CBR4: variants seen among roughly 807,000 people sequenced by gnomAD.
CBR4 encodes 3-oxoacyl-[acyl-carrier-protein] reductase.
CBR4 carries 22 observed loss-of-function variants against 21.0 expected under a neutral mutation model. That is an observed-to-expected ratio of 1.05 (90% CI 0.75 to 1.50). The LOEUF is 1.50. Among genes scored for constraint, CBR4 ranks in the 40% most tolerant of loss-of-function variants. The pLI is 0.00. For missense variants in CBR4, 302 were observed against 286.3 expected, an observed-to-expected ratio of 1.05 and a Z score of -0.40; for synonymous variants, 100 against 104.4, an observed-to-expected ratio of 0.96 and a Z score of 0.26.
intron 2 of CBR4, chr4:168,913,847 G>T: frequency 1.1e-6 from 1 of 932,754 alleles, no homozygotes; most frequent in Non-Finnish European, 1.8e-6. Flanking sequence ...GTCTTATAGA[G>T]AATAGGACAG....
chr4:168,988,666 T>C lies in CBR4; in HGVS notation c.*1484A>G, dbSNP rs1764778771. 2.6e-5 allele frequency: 26 copies of C among 983,638 alleles called. No individual in the cohort carries two copies. Among genetic ancestry groups the C allele is most frequent in the Non-Finnish European group, 3.0e-5 (25 of 828,250 alleles). The allele number at this position is 983,638 out of a possible 1,614,324, so 60.9% of individuals were successfully genotyped here. A position where few individuals can be genotyped will look rare whatever the true frequency, so the allele number is the denominator to read the frequency against. Reference sequence around the variant, plus strand: ...CTGATAAATTCTGTATATTACCACGTCTTGCATTTAATAGACAATTTGTTT... The same window carrying C: ...CTGATAAATTCTGTATATTACCACGCCTTGCATTTAATAGACAATTTGTTT... On this transcript the variant is annotated 3_prime_UTR_variant, in exon 5 of 5. Transcript: ENST00000306193.
At chr4:168,930,919 G>A (rs1762954707) in intron 2 of CBR4, among the ~76,000 whole-genome samples, 1 of 152,160 alleles carries the variant, frequency 6.6e-6, no homozygotes, top group Non-Finnish European at 1.5e-5. Flanking sequence ...CTCTGGATTA[G>A]GAACATGAGA....
downstream of CBR4, among the ~76,000 whole-genome samples, chr4:168,983,598 T>C (rs998712083): frequency 1.5e-4 from 22 of 151,606 alleles, no homozygotes; most frequent in African/African-American, 5.3e-4. Context: ...GGCACAGACA[T>C]AATGAAAAAA....
chr4:168,931,724 TG>T (rs1299538122), intron 2 of CBR4, among the ~76,000 whole-genome samples: 1 of 152,126 alleles, frequency 6.6e-6, no homozygotes, highest in Non-Finnish European at 1.5e-5. Flanking sequence ...TTCACACACA[TG>T]CCCCCAATTT....
chr4:168,933,911 A>G (rs1763031887), intron 2 of CBR4, among the ~76,000 whole-genome samples: 1 of 152,234 alleles, frequency 6.6e-6, no homozygotes, highest in African/African-American at 2.4e-5. Flanking sequence ...CTCCTGACTG[A>G]CCAATGGATG....
intron 4 of CBR4, among the ~76,000 whole-genome samples, chr4:168,990,851 G>C (rs560064984): frequency 6.6e-6 from 1 of 151,922 alleles, no homozygotes; most frequent in Non-Finnish European, 1.5e-5. Flanking sequence ...GCAGGAGTTC[G>C]AGACCAGCCT....
chr4:168,980,770 G>C (rs1764523642), intron 2 of CBR4, among the ~76,000 whole-genome samples: 1 of 152,138 alleles, frequency 6.6e-6, no homozygotes, highest in Non-Finnish European at 1.5e-5. Flanking sequence ...AACAGAGTTG[G>C]CTCTCTGAAA....
chr4:168,986,196 T>C (rs987482931), downstream of CBR4, among the ~76,000 whole-genome samples: 2 of 152,188 alleles, frequency 1.3e-5, no homozygotes, highest in African/African-American at 4.8e-5. Context: ...CTAGAGATGA[T>C]GTAAAGTATA....
At chr4:168,977,702 T>C (rs1402596121) in intron 2 of CBR4, among the ~76,000 whole-genome samples, 2 of 152,220 alleles carry the variant, frequency 1.3e-5, no homozygotes, top group African/African-American at 2.4e-5. Context: ...GAAATCAGCA[T>C]GTTTAAAATT....
chr4:168,973,669 C>T (rs1764282500), intron 2 of CBR4, among the ~76,000 whole-genome samples: 1 of 152,234 alleles, frequency 6.6e-6, no homozygotes, highest in Non-Finnish European at 1.5e-5. Flanking sequence ...GTCATGAATC[C>T]ATCTGGTCCT....
At chr4:168,925,858 G>C (rs1477386801) in intron 2 of CBR4, among the ~76,000 whole-genome samples, 1 of 152,052 alleles carries the variant, frequency 6.6e-6, no homozygotes, top group East Asian at 1.9e-4. Flanking sequence ...GAATTCCTAA[G>C]TGCTATAATT....
intron 2 of CBR4, among the ~76,000 whole-genome samples, chr4:168,925,837 C>G (rs1052391853): frequency 2.6e-5 from 4 of 152,108 alleles, no homozygotes; most frequent in African/African-American, 7.2e-5. Context: ...TTAAAGCATC[C>G]ACATCCAGCA....
intron 2 of CBR4, among the ~76,000 whole-genome samples, chr4:168,945,914 G>A (rs1763384965): frequency 6.6e-6 from 1 of 152,110 alleles, no homozygotes; most frequent in African/African-American, 2.4e-5. Context: ...CAGCAGACCC[G>A]CAAAGCTGAA....
At chr4:168,917,668 C>G (rs1187079061) in intron 2 of CBR4, among the ~76,000 whole-genome samples, 6 of 151,984 alleles carry the variant, frequency 3.9e-5, no homozygotes, top group Non-Finnish European at 8.8e-5. Context: ...GGCATTGTTT[C>G]TTCAGAAAGT....
chr4:168,987,995 A>T lies in CBR4; in HGVS notation c.*2155T>A. On this transcript the variant is annotated 3_prime_UTR_variant, in exon 5 of 5. Transcript: ENST00000306193. ...AAGCACAGAACCCTTATGGGCTCAT[A>T]GGAGTCAGCAAACAGCTACAGATGA... The T allele has an allele frequency of 2.0e-6, 2 of 985,466 alleles. No individual in the cohort carries two copies. Among genetic ancestry groups the T allele is most frequent in the Non-Finnish European group, 2.4e-6 (2 of 829,918 alleles). 61.0% of individuals were successfully genotyped at this position (985,466 alleles called of 1,614,324 possible).
At position 168,963,510 on chromosome 4, in the gene CBR4, A is replaced by G. The variant is rs112445255; in HGVS notation, n.169+38561T>C. 9.3e-4 allele frequency among the ~76,000 whole-genome samples: 137 copies of G among 146,806 alleles called. 2 individuals are homozygous for G. The highest frequency in any genetic ancestry group is 3.3e-3 in the African/African-American group (132 of 39,558). On this transcript the variant is annotated intron_variant and non_coding_transcript_variant, in intron 2 of 3. Coordinates refer to the CBR4 transcript ENST00000509108. ...TTTGAGATGGAGTCTCACTCTTGTCACCCAGCCTAGAGTCCTATGGTGTGA... is the reference window on the plus strand; with the variant it reads ...TTTGAGATGGAGTCTCACTCTTGTCGCCCAGCCTAGAGTCCTATGGTGTGA...
Position 168,988,829 on chromosome 4 carries a change from T to A in CBR4, c.*1321A>T. ...ATTTAGAACACTGCTTTGACTTTTG[T>A]TATTACTTTGTATTTATTAGTATAT... On this transcript the variant is annotated 3_prime_UTR_variant, in exon 5 of 5. Transcript: ENST00000306193. The A allele has an allele frequency of 1.0e-6, 1 of 955,196 alleles. No homozygotes were observed. The highest frequency in any genetic ancestry group is 1.2e-6 in the Non-Finnish European group (1 of 802,424). The allele number at this position is 955,196 out of a possible 1,614,324, so 59.2% of individuals were successfully genotyped here. A position where few individuals can be genotyped will look rare whatever the true frequency, so the allele number is the denominator to read the frequency against.
chr4:168,996,883 T>G (rs1424562937), intron 4 of CBR4, among the ~76,000 whole-genome samples: 2 of 152,184 alleles, frequency 1.3e-5, no homozygotes, highest in Non-Finnish European at 2.9e-5. Context: ...ATAAATATAT[T>G]CACAACCCAG....
At chr4:169,006,915 T>G in intron 2 of CBR4, 24 bp from the exon 3 acceptor site, 2 of 1,569,836 alleles carry the variant, frequency 1.3e-6, no homozygotes, top group Non-Finnish European at 1.7e-6. Flanking sequence ...CAGCATATAA[T>G]AGCATATAAT....
Sources: allele counts gnomAD v4.1 joint callset (sites outside exome capture counted in the v4.1 genomes callset), GRCh38; gene constraint gnomAD v4.1.1; transcripts MANE v1.5; gene names NCBI Gene and HGNC (gene_info 2026-07-23, HGNC 2026-07-21).